PEX26: variants seen among roughly 807,000 people sequenced by gnomAD.
The protein encoded by PEX26 is peroxisome assembly protein 26.
PEX26 carries 18 observed loss-of-function variants against 31.4 expected under a neutral mutation model. That is an observed-to-expected ratio of 0.57 (90% confidence interval 0.40 to 0.85). The LOEUF (loss-of-function observed/expected upper bound fraction) is 0.85. Ranked by LOEUF, PEX26 falls within the 40% of genes least tolerant of loss-of-function variation. PEX26 has a pLI of 0.00. For missense variants in PEX26, 377 were observed against 383.9 expected (o/e 0.98, Z 0.15); for synonymous variants, 176 against 166.9 (o/e 1.05, Z -0.42).
chr22:18,081,543 A>G (rs1049916271), intron 2 of PEX26: 1 of 156,072 alleles, frequency 6.4e-6, no homozygotes, highest in African/African-American at 2.4e-5. Flanking sequence ...CAGGAACTTG[A>G]TCTTGGAATT....
rs191257784 is a variant in PEX26, at chr22:18,080,416, A to G, written c.371+402A>G. ...ACAGTCTCTGCTCACTGCAAGCTCC[A>G]CCTCCCGGGTTCACACCATTCTCCT... On this transcript the variant is annotated intron_variant, in intron 2 of 4. Coordinates refer to ENST00000399744, the MANE Select transcript of PEX26 (RefSeq NM_001127649.3). Among the ~76,000 whole-genome samples the G allele has an allele frequency of 3.8e-3, 578 of 152,008 alleles. 4 individuals are homozygous for G. The highest frequency in any genetic ancestry group is 0.031 in the Admixed American group (466 of 15,264).
intron 4 of PEX26, among the ~76,000 whole-genome samples, chr22:18,086,489 T>A (rs1926847790): frequency 6.6e-6 from 1 of 152,158 alleles, no homozygotes; most frequent in Admixed American, 6.6e-5. Flanking sequence ...CCTAAGTAAT[T>A]TAACAACCCC....
At position 18,097,387 on chromosome 22, in the gene PEX26, C is replaced by T. The variant is rs1452664494; in HGVS notation, c.*9312C>T. On this transcript the variant is annotated 3_prime_UTR_variant, in exon 5 of 5. Transcript: ENST00000399744. ...CACGCCATTCTCCTGCCTCAGCCTC[C>T]CAAGTGGCTGGGACTACAGGCTCCT... 1 of 152,192 alleles carries T rather than the reference C, an allele frequency of 6.6e-6. No individual in the cohort carries two copies. The highest frequency in any genetic ancestry group is 2.4e-5 in the African/African-American group (1 of 41,380). The allele number at this position is 152,192 out of a possible 1,614,324, so 9.4% of individuals were successfully genotyped here. A position where few individuals can be genotyped will look rare whatever the true frequency, so the allele number is the denominator to read the frequency against.
Position 18,091,431 on chromosome 22 carries a change from G to C in PEX26, c.*3356G>C, listed in dbSNP as rs1927093766. The C allele has an allele frequency of 1.3e-5, 2 of 152,140 alleles. No homozygotes were observed. Among genetic ancestry groups the C allele is most frequent in the African/African-American group, 4.8e-5 (2 of 41,402 alleles). 9.4% of individuals were successfully genotyped at this position (152,140 alleles called of 1,614,324 possible). On this transcript the variant is annotated 3_prime_UTR_variant, in exon 5 of 5. Transcript: ENST00000399744. ...GTGAATCACCTGAAGTCAGGAGTTC[G>C]AGATCAGCATGGCCAACATGGTGAA...
chr22:18,078,866 T>G, intron 1 of PEX26: 1 of 661,714 alleles, frequency 1.5e-6, no homozygotes, highest in Non-Finnish European at 2.8e-6. Flanking sequence ...ATGGGAAGGC[T>G]GAATGTGTAT....
In PEX26 at chr22:18,104,811, T is replaced by G. The variant is rs1473915487; in HGVS notation, c.*16736T>G. 6.6e-6 allele frequency: 1 copy of G among 152,212 alleles called. No homozygotes were observed. Among genetic ancestry groups the G allele is most frequent in the South Asian group, 2.1e-4 (1 of 4,828 alleles). 9.4% of individuals were successfully genotyped at this position (152,212 alleles called of 1,614,324 possible). On this transcript the variant is annotated 3_prime_UTR_variant, in exon 5 of 5. Transcript: ENST00000399744. ...ATTTGTCCCATGATTCACCTCCTCT[T>G]TGGTGATCTCTTGATTGCGGCTGCT...
chr22:18,087,867 A>C, intron 4 of PEX26, 105 bp from the exon 5 acceptor site: 1 of 820,938 alleles, frequency 1.2e-6, no homozygotes, highest in Non-Finnish European at 2.2e-6. Flanking sequence ...AAACAAAACA[A>C]AACCAACTAT....
At chr22:18,080,619 C>A (rs541487434) in intron 2 of PEX26, among the ~76,000 whole-genome samples, 6 of 152,146 alleles carry the variant, frequency 3.9e-5, no homozygotes, top group African/African-American at 1.4e-4. Context: ...TGTGAGCCAT[C>A]GCCCCTGGCC....
rs971695814 is a variant in PEX26 at position 18,099,912 on chromosome 22, T to C, written c.*11837T>C. 3 of 152,240 alleles carry C rather than the reference T, an allele frequency of 2.0e-5. No homozygotes were observed. Among genetic ancestry groups the C allele is most frequent in the Non-Finnish European group, 2.9e-5 (2 of 68,048 alleles). 9.4% of individuals were successfully genotyped at this position (152,240 alleles called of 1,614,324 possible). ...CACCCTAATCCAGGATGATCTCATC[T>C]TGAGGTCCTCAATTACATCAAGATC... is the stretch of plus-strand genomic sequence containing the variant. On this transcript the variant is annotated 3_prime_UTR_variant, in exon 5 of 5. Coordinates refer to ENST00000399744, the MANE Select transcript of PEX26 (RefSeq NM_001127649.3).
chr22:18,085,241 T>G lies in PEX26; in HGVS notation c.797T>G (p.Val266Gly), dbSNP rs1310338038. The G allele has an allele frequency of 6.2e-7, 1 of 1,614,118 alleles. No homozygotes were observed. The highest frequency in any genetic ancestry group is 1.1e-5 in the South Asian group (1 of 91,082). Residue 266 changes from valine (V) to glycine (G), a missense_variant, in exon 4 of 5, where the codon GTG becomes GGG. Transcript: ENST00000399744. ...GCTGCCTTGATCCTCTGTCTCCTGGTGGTGAGATTTGATCCAGGTAAGAGG... is the reference window on the plus strand; with the variant it reads ...GCTGCCTTGATCCTCTGTCTCCTGGGGGTGAGATTTGATCCAGGTAAGAGG... Reference protein sequence around the residue: ...LLAALILCLLVVRFDPASPSS... With the variant: ...LLAALILCLLGVRFDPASPSS...
chr22:18,095,857 C>G lies in PEX26; in HGVS notation c.*7782C>G, dbSNP rs1038465392. ...TTTTTTTTTGAGACAGAGTCTCACT[C>G]TGTCGTCCAAGCTGGAGGGCAGTGG... On this transcript the variant is annotated 3_prime_UTR_variant, in exon 5 of 5. Coordinates refer to ENST00000399744, the MANE Select transcript of PEX26 (RefSeq NM_001127649.3). 4 of 151,890 alleles carry G rather than the reference C, an allele frequency of 2.6e-5. No individual in the cohort carries two copies. Among genetic ancestry groups the G allele is most frequent in the Admixed American group, 2.0e-4 (3 of 15,256 alleles). The allele number at this position is 151,890 out of a possible 1,614,324, so 9.4% of individuals were successfully genotyped here.
chr22:18,081,245 TACACACACACACAC>T lies in PEX26; in HGVS notation c.371+1253_371+1266del, dbSNP rs59081749. On this transcript the variant is annotated intron_variant, in intron 2 of 4. Coordinates refer to ENST00000399744, the MANE Select transcript of PEX26 (RefSeq NM_001127649.3). Reference sequence around the variant, plus strand: ...CATAATATACATATATGTACACATATACACACACACACACACACACACACACACACACACATTAT... The same window carrying T: ...CATAATATACATATATGTACACATATACACACACACACACACACACATTAT... Among the ~76,000 whole-genome samples the T allele has an allele frequency of 6.8e-3, 943 of 138,120 alleles. 13 individuals are homozygous for T. The highest frequency in any genetic ancestry group is 0.023 in the African/African-American group (878 of 37,736). 90.6% of individuals were successfully genotyped at this position (138,120 alleles called of 152,430 possible).
intron 1 of PEX26, among the ~76,000 whole-genome samples, chr22:18,079,425 T>C (rs1926456423): frequency 6.6e-6 from 1 of 152,204 alleles, no homozygotes; most frequent in Non-Finnish European, 1.5e-5. Context: ...GCTTTGCTTC[T>C]GGGTGTCTGG....
In PEX26 at chr22:18,083,260, C is replaced by T. The variant is rs11913286; in HGVS notation, c.372-177C>T. On this transcript the variant is annotated intron_variant, in intron 2 of 4. Transcript: ENST00000399744. ...CTTTCAGCTTTTCCCATTGATTATG[C>T]TGTTAGTGATGGGTGTGTCGTGGGG... 5.7e-3 allele frequency among the ~76,000 whole-genome samples: 865 copies of T among 152,286 alleles called. 11 individuals carry two copies. Among genetic ancestry groups the T allele is most frequent in the African/African-American group, 0.019 (807 of 41,558 alleles).
Position 18,088,341 on chromosome 22 carries a change from G to A in PEX26, c.*266G>A. 1.7e-6 allele frequency: 1 copy of A among 593,972 alleles called. No homozygotes were observed. Among genetic ancestry groups the A allele is most frequent in the East Asian group, 3.2e-5 (1 of 31,694 alleles). The allele number at this position is 593,972 out of a possible 1,614,324, so 36.8% of individuals were successfully genotyped here. On this transcript the variant is annotated 3_prime_UTR_variant, in exon 5 of 5. Coordinates refer to ENST00000399744, the MANE Select transcript of PEX26 (RefSeq NM_001127649.3). The surrounding 1 kb of genome is among the most constrained non-coding windows in gnomAD (Gnocchi z 4.1). ...GACCAGAGGCCCCTTGAAAAGGAGG[G>A]GTTTGGGGACAGGGACTGTGTCCAT...
rs188741960 is a variant in PEX26, at chr22:18,079,250, C to G, written c.231-624C>G. 184 of 985,146 alleles carry G rather than the reference C, an allele frequency of 1.9e-4. 4 individuals carry two copies. Among genetic ancestry groups the G allele is most frequent in the South Asian group, 4.7e-5 (1 of 21,284 alleles). The allele number at this position is 985,146 out of a possible 1,614,324, so 61.0% of individuals were successfully genotyped here. On this transcript the variant is annotated intron_variant, in intron 1 of 4. Transcript: ENST00000399744. ...CTCTTTCTAATGCCACCAGCCTCGTCTGGCAGGTGAGGGAGTCATTTCTTT... is the reference window on the plus strand; with the variant it reads ...CTCTTTCTAATGCCACCAGCCTCGTGTGGCAGGTGAGGGAGTCATTTCTTT...
At position 18,095,199 on chromosome 22, in the gene PEX26, G is replaced by T. The variant is rs1054597981; in HGVS notation, c.*7124G>T. The T allele has an allele frequency of 5.9e-5, 9 of 152,230 alleles. No individual in the cohort carries two copies. The highest frequency in any genetic ancestry group is 5.9e-4 in the Admixed American group (9 of 15,282). The allele number at this position is 152,230 out of a possible 1,614,324, so 9.4% of individuals were successfully genotyped here. A position where few individuals can be genotyped will look rare whatever the true frequency, so the allele number is the denominator to read the frequency against. The stretch of plus-strand genomic sequence containing the variant: ...TGGAGGTGGGGCAGGGGAGGGCTCT[G>T]TGCTTTGGCATCTGTTTAGTAGTAT... On this transcript the variant is annotated 3_prime_UTR_variant, in exon 5 of 5. Coordinates refer to ENST00000399744, the MANE Select transcript of PEX26 (RefSeq NM_001127649.3).
intron 3 of PEX26, among the ~76,000 whole-genome samples, chr22:18,084,404 C>G (rs764017421): frequency 6.6e-6 from 1 of 152,132 alleles, no homozygotes; most frequent in Non-Finnish European, 1.5e-5. Flanking sequence ...GCCACCACAC[C>G]TGGCTAATTT....
Position 18,102,006 on chromosome 22 carries a change from A to C in PEX26, c.*13931A>C, listed in dbSNP as rs2123680039. The C allele has an allele frequency of 6.5e-6, 1 of 152,758 alleles. No homozygotes were observed. Among genetic ancestry groups the C allele is most frequent in the South Asian group, 2.1e-4 (1 of 4,834 alleles). The allele number at this position is 152,758 out of a possible 1,614,324, so 9.5% of individuals were successfully genotyped here. A position where few individuals can be genotyped will look rare whatever the true frequency, so the allele number is the denominator to read the frequency against. On this transcript the variant is annotated 3_prime_UTR_variant, in exon 5 of 5. Coordinates refer to ENST00000399744, the MANE Select transcript of PEX26 (RefSeq NM_001127649.3). ...GTAGAGATTCAGGTATGGAGATGTC[A>C]GTGTCTAACTTTCTTCTAGTCTTTG... is the stretch of plus-strand genomic sequence containing the variant.
Sources: gnomAD v4.1 joint callset for allele counts (sites outside exome capture counted in the v4.1 genomes callset) on GRCh38, gnomAD v4.1.1 for gene constraint, Gnocchi (gnomAD v3.1) non-coding constraint, MANE v1.5 for transcripts, NCBI Gene and HGNC (gene_info 2026-07-23, HGNC 2026-07-21) for gene names.